PLPPR1: variants seen among roughly 807,000 people sequenced by gnomAD.
PLPPR1 encodes phospholipid phosphatase-related protein type 1.
PLPPR1 carries 10 observed loss-of-function variants against 33.1 expected under a neutral mutation model. That is an observed-to-expected ratio of 0.30 (90% CI 0.19 to 0.51). The LOEUF (loss-of-function observed/expected upper bound fraction) is 0.51, where lower values mean the gene tolerates loss of function less well. PLPPR1 is among the 20% of genes least tolerant of loss of function. The pLI is 0.97. For missense variants in PLPPR1, 304 were observed against 408.1 expected (o/e 0.74, Z 2.20); for synonymous variants, 151 against 151.0 (o/e 1.00, Z 0.00).
At chr9:101,191,643 ACAGCTAATAC>A (rs1826298588) in intron 2 of PLPPR1, among the ~76,000 whole-genome samples, 1 of 152,206 alleles carries the variant, frequency 6.6e-6, no homozygotes, top group Admixed American at 6.5e-5. Context: ...ATGCCTTCTC[ACAGCTAATAC>A]CAGGCATATT....
At chr9:101,227,023 C>A (rs1827085443) in intron 2 of PLPPR1, among the ~76,000 whole-genome samples, 1 of 152,080 alleles carries the variant, frequency 6.6e-6, no homozygotes, top group Non-Finnish European at 1.5e-5. Flanking sequence ...AACTCCAAGC[C>A]CCAGCAAAGG....
chr9:101,285,256 G>T (rs749288790), intron 3 of PLPPR1, among the ~76,000 whole-genome samples: 17 of 151,864 alleles, frequency 1.1e-4, no homozygotes, highest in Non-Finnish European at 1.9e-4. Context: ...AATACACTGT[G>T]CTGGGTGCCA....
intron 1 of PLPPR1, among the ~76,000 whole-genome samples, chr9:101,174,500 C>T (rs1490938569): frequency 3.3e-5 from 5 of 152,080 alleles, no homozygotes; most frequent in Non-Finnish European, 7.4e-5. Context: ...GTCATGGAGA[C>T]CCTTTTGAAG....
intron 2 of PLPPR1, among the ~76,000 whole-genome samples, chr9:101,246,144 C>A (rs1472047255): frequency 5.2e-5 from 7 of 134,292 alleles, no homozygotes; most frequent in African/African-American, 1.6e-4. Context: ...GCACTGAAAT[C>A]TAGGGAAAAT....
At chr9:101,214,504 C>A (rs1016022248) in intron 2 of PLPPR1, among the ~76,000 whole-genome samples, 1 of 152,084 alleles carries the variant, frequency 6.6e-6, no homozygotes, top group Non-Finnish European at 1.5e-5. Flanking sequence ...AGACAAAAAT[C>A]TGGAGCTTAA....
chr9:101,093,747 A>C (rs73493859), intron 1 of PLPPR1, among the ~76,000 whole-genome samples: 1,776 of 152,330 alleles, frequency 0.012, 35 homozygotes, highest in African/African-American at 0.041. Flanking sequence ...TCACTAGATC[A>C]GCCTTGGGGC....
intron 5 of PLPPR1, among the ~76,000 whole-genome samples, chr9:101,312,555 A>G (rs1828978117): frequency 6.6e-6 from 1 of 152,222 alleles, no homozygotes; most frequent in South Asian, 2.1e-4. Flanking sequence ...TTCTGTTGAC[A>G]TGTCCACTAG....
chr9:101,186,700 A>C (rs1016139475), intron 2 of PLPPR1, among the ~76,000 whole-genome samples: 1 of 151,860 alleles, frequency 6.6e-6, no homozygotes, highest in Admixed American at 6.6e-5. Context: ...TTTTGATCAG[A>C]TATATGGGTG....
chr9:101,209,583 CA>C (rs1826652696), intron 2 of PLPPR1, among the ~76,000 whole-genome samples: 1 of 152,160 alleles, frequency 6.6e-6, no homozygotes, highest in Non-Finnish European at 1.5e-5. Flanking sequence ...TAGGATCTAC[CA>C]ATCACATGAG....
chr9:101,166,064 A>G (rs1413847484), intron 1 of PLPPR1, among the ~76,000 whole-genome samples: 4 of 152,180 alleles, frequency 2.6e-5, no homozygotes, highest in Non-Finnish European at 5.9e-5. Flanking sequence ...TCTATAATTT[A>G]CTATTCTTAG....
intron 1 of PLPPR1, among the ~76,000 whole-genome samples, chr9:101,144,580 A>T (rs1466583349): frequency 6.6e-6 from 1 of 152,114 alleles, no homozygotes; most frequent in Non-Finnish European, 1.5e-5. Flanking sequence ...AGGTCTCAGA[A>T]AAAAACCAAA....
Position 101,208,607 on chromosome 9 carries a change from T to C in PLPPR1, c.63+23050T>C, listed in dbSNP as rs185891322. 6.0e-4 allele frequency among the ~76,000 whole-genome samples: 91 copies of C among 151,386 alleles called. 1 individual carries two copies. The East Asian group carries it at 0.015, about 26-fold the overall frequency. On this transcript the variant is annotated intron_variant, in intron 2 of 7. Coordinates refer to ENST00000374874, the MANE Select transcript of PLPPR1 (RefSeq NM_207299.2). The stretch of plus-strand genomic sequence containing the variant: ...AAATGTGCCTGTTATTAGTTCAGAT[T>C]AGTTTTGCCAAATCACTGAATATAA...
intron 2 of PLPPR1, among the ~76,000 whole-genome samples, chr9:101,192,537 A>G (rs974564771): frequency 1.4e-4 from 22 of 151,818 alleles, no homozygotes; most frequent in African/African-American, 3.1e-4. Flanking sequence ...TCAAGGGGGG[A>G]AAAAAAACGT....
intron 2 of PLPPR1, among the ~76,000 whole-genome samples, chr9:101,231,274 C>T: frequency 9.3e-6 from 1 of 107,618 alleles, no homozygotes; most frequent in East Asian, 2.3e-4. Flanking sequence ...AAATGGTGCC[C>T]CAATTAAAAA....
intron 1 of PLPPR1, among the ~76,000 whole-genome samples, chr9:101,108,853 G>A (rs1026756629): frequency 2.6e-5 from 4 of 151,770 alleles, no homozygotes; most frequent in Non-Finnish European, 5.9e-5. Flanking sequence ...GTTTATTAGT[G>A]TTATTCCTGA....
intron 1 of PLPPR1, among the ~76,000 whole-genome samples, chr9:101,154,091 G>A (rs1169141176): frequency 6.6e-6 from 1 of 152,148 alleles, no homozygotes; most frequent in African/African-American, 2.4e-5. Context: ...GCTTTTTGAT[G>A]TGCTGCTGGA....
intron 4 of PLPPR1, among the ~76,000 whole-genome samples, chr9:101,303,997 TTTG>T (rs1479041928): frequency 6.6e-5 from 10 of 152,224 alleles, no homozygotes; most frequent in African/African-American, 2.4e-4. Flanking sequence ...ATAAAAAGTA[TTTG>T]TTGTGTATGA....
chr9:101,260,585 C>T (rs955371765), intron 2 of PLPPR1, among the ~76,000 whole-genome samples: 1 of 152,096 alleles, frequency 6.6e-6, no homozygotes, highest in Non-Finnish European at 1.5e-5. Context: ...AGAGAATGGT[C>T]GTTGGATTTA....
intron 2 of PLPPR1, among the ~76,000 whole-genome samples, chr9:101,235,888 T>G (rs994545474): frequency 4.6e-5 from 7 of 151,848 alleles, no homozygotes; most frequent in Non-Finnish European, 1.0e-4. Context: ...AGTTATTCCA[T>G]GCTTGGCTGG....
Sources: gnomAD v4.1 joint callset for allele counts (sites outside exome capture counted in the v4.1 genomes callset) on GRCh38, gnomAD v4.1.1 for gene constraint, MANE v1.5 for transcripts, NCBI Gene and HGNC (gene_info 2026-07-23, HGNC 2026-07-21) for gene names.